Variants in TENM2 observed in about 807,000 individuals in gnomAD.
TENM2 encodes the protein teneurin-2.
TENM2 carries 52 observed loss-of-function variants against 245.2 expected under a neutral mutation model. The observed-to-expected ratio is 0.21, with a 90% CI of 0.17 to 0.27. The LOEUF is 0.27. Among genes scored for constraint, TENM2 ranks in the 10% least tolerant of loss-of-function variants. The pLI, the probability that TENM2 is intolerant of heterozygous loss-of-function variation, is 1.00. For missense variants in TENM2, 3,046 were observed against 3,666.8 expected, an observed-to-expected ratio of 0.83 and a Z score of 4.37; for synonymous variants, 1,363 against 1,438.9, an observed-to-expected ratio of 0.95 and a Z score of 1.19.
At chr5:167,549,299 A>G (rs1772775574) in intron 2 of TENM2, among the ~76,000 whole-genome samples, 1 of 152,148 alleles carries the variant, frequency 6.6e-6, no homozygotes, top group South Asian at 2.1e-4. Context: ...GTACACTTGA[A>G]CTTTATAAGG....
intron 1 of TENM2, among the ~76,000 whole-genome samples, chr5:167,346,698 C>CA (rs1394160485): frequency 6.6e-6 from 1 of 152,156 alleles, no homozygotes; most frequent in Non-Finnish European, 1.5e-5. Context: ...GGGTCAGAGA[C>CA]AGAGGGCAGT....
intron 2 of TENM2, among the ~76,000 whole-genome samples, chr5:167,698,679 GT>G (rs1225922111): frequency 0.036 from 3,548 of 97,774 alleles, 62 homozygotes; most frequent in African/African-American, 0.093. Flanking sequence ...TTTGTTTTTT[GT>G]TTTTTTTTTT....
intron 2 of TENM2, among the ~76,000 whole-genome samples, chr5:167,425,665 C>T (rs981173928): frequency 2.0e-5 from 3 of 152,270 alleles, no homozygotes; most frequent in East Asian, 3.9e-4. Flanking sequence ...CTTAATTCCA[C>T]AGCTTAATAA....
chr5:167,510,995 G>C (rs1325551211), intron 2 of TENM2, among the ~76,000 whole-genome samples: 1 of 151,956 alleles, frequency 6.6e-6, no homozygotes, highest in East Asian at 1.9e-4. Flanking sequence ...GACAAGTGTG[G>C]TCCTGTTTGA....
At chr5:167,619,419 C>T (rs1372265565) in intron 2 of TENM2, among the ~76,000 whole-genome samples, 2 of 152,008 alleles carry the variant, frequency 1.3e-5, no homozygotes, top group African/African-American at 4.8e-5. Context: ...ATGCTGTTTC[C>T]TCATCTGTGA....
chr5:167,088,790 G>A, the TENM2 span, among the ~76,000 whole-genome samples: 1 of 152,018 alleles, frequency 6.6e-6, no homozygotes, highest in Non-Finnish European at 1.5e-5. Flanking sequence ...ATGATATTCA[G>A]TACATCATTT....
At chr5:167,640,438 C>G (rs1010822094) in intron 2 of TENM2, among the ~76,000 whole-genome samples, 7 of 151,884 alleles carry the variant, frequency 4.6e-5, no homozygotes, top group African/African-American at 1.7e-4. Context: ...GCCAACATGG[C>G]AAAACCCTGC....
chr5:167,370,290 C>T (rs889387220), intron 1 of TENM2, among the ~76,000 whole-genome samples: 10 of 138,752 alleles, frequency 7.2e-5, no homozygotes, highest in Non-Finnish European at 1.2e-4. Context: ...TGCAGTGAGC[C>T]GAGATAACGC....
chr5:168,071,718 T>G (rs1791026493), intron 7 of TENM2, among the ~76,000 whole-genome samples: 1 of 152,234 alleles, frequency 6.6e-6, no homozygotes, highest in South Asian at 2.1e-4. Flanking sequence ...AATAATTTCC[T>G]TGTGATGAAT....
rs750555602 is a variant in TENM2 at position 167,518,506 on chromosome 5, A to G, written c.502+143033A>G. On this transcript the variant is annotated intron_variant, in intron 2 of 28. Coordinates refer to ENST00000518659, the Ensembl canonical transcript of TENM2. ...AAAACAATTGAATGTTTGTAATTGTATATGGCACAATCTGAAATGTCCAGA... is the reference window on the plus strand; with the variant it reads ...AAAACAATTGAATGTTTGTAATTGTGTATGGCACAATCTGAAATGTCCAGA... Among the ~76,000 whole-genome samples the G allele has an allele frequency of 4.1e-4, 63 of 152,338 alleles. 3 individuals are homozygous for G. Among genetic ancestry groups the G allele is most frequent in the South Asian group, 6.2e-4 (3 of 4,832 alleles).
intron 3 of TENM2, among the ~76,000 whole-genome samples, chr5:167,901,671 T>C (rs547318551): frequency 1.2e-4 from 19 of 152,332 alleles, no homozygotes; most frequent in Admixed American, 9.8e-4. Flanking sequence ...TGGTAAATAA[T>C]AGTTATTGAT....
At chr5:167,422,725 G>C (rs900782942) in intron 2 of TENM2, among the ~76,000 whole-genome samples, 1 of 152,078 alleles carries the variant, frequency 6.6e-6, no homozygotes, top group Non-Finnish European at 1.5e-5. Context: ...ATCCCTTAAC[G>C]TAAGATACCT....
chr5:167,221,330 A>G, the TENM2 span, among the ~76,000 whole-genome samples: 1 of 152,188 alleles, frequency 6.6e-6, no homozygotes, highest in South Asian at 2.1e-4. Context: ...AATGAAATGA[A>G]TGTTTTGGAG....
chr5:167,261,021 C>T, the TENM2 span, among the ~76,000 whole-genome samples: 8 of 152,234 alleles, frequency 5.3e-5, no homozygotes, highest in Non-Finnish European at 1.2e-4. Flanking sequence ...ACATGGAAAA[C>T]TTAAATTAGG....
intron 9 of TENM2, among the ~76,000 whole-genome samples, chr5:168,115,406 A>AAGGAAGGAAGGAAGGG (rs1554200368): frequency 9.9e-6 from 1 of 101,006 alleles, no homozygotes; most frequent in Non-Finnish European, 2.1e-5. Context: ...GGAAGGAAGG[A>AAGGAAGGAAGGAAGGG]AGGGAAAGGA....
the TENM2 span, among the ~76,000 whole-genome samples, chr5:167,001,653 T>C: frequency 1.3e-5 from 2 of 152,170 alleles, no homozygotes; most frequent in Non-Finnish European, 2.9e-5. Flanking sequence ...GCAAAGCAGG[T>C]TGTAAAATCC....
intron 2 of TENM2, among the ~76,000 whole-genome samples, chr5:167,791,128 G>C (rs1764925117): frequency 6.6e-6 from 1 of 152,004 alleles, no homozygotes. Flanking sequence ...TAGAGTCTTG[G>C]TAATATTCTT....
intron 3 of TENM2, among the ~76,000 whole-genome samples, chr5:167,932,869 C>A (rs1004823263): frequency 1.3e-5 from 2 of 152,126 alleles, no homozygotes; most frequent in Non-Finnish European, 2.9e-5. Context: ...AAAACCAAAC[C>A]AAGTGTCTCC....
chr5:167,500,726 C>A (rs895247143), intron 2 of TENM2, among the ~76,000 whole-genome samples: 1 of 151,980 alleles, frequency 6.6e-6, no homozygotes, highest in African/African-American at 2.4e-5. Context: ...ATGACAGGAA[C>A]GTTCTGGAAG....
Sources: allele counts gnomAD v4.1 joint callset (sites outside exome capture counted in the v4.1 genomes callset), GRCh38; gene constraint gnomAD v4.1.1; transcripts MANE v1.5; gene names NCBI Gene and HGNC (gene_info 2026-07-23, HGNC 2026-07-21).